The following ETV6 variants were observed in gnomAD, a reference collection of about 807,000 sequenced individuals.
ETV6 encodes ETS variant transcription factor 6.
Under a neutral mutation model 51.1 loss-of-function variants are expected in ETV6, and 16 were observed. That is an observed-to-expected ratio of 0.31 (90% CI 0.21 to 0.48). The LOEUF is 0.48. ETV6 is among the 20% of genes least tolerant of loss of function. The pLI is 0.99. For missense variants in ETV6, 458 were observed against 594.8 expected (o/e 0.77, Z 2.39); for synonymous variants, 240 against 224.1 (o/e 1.07, Z -0.64).
intron 1 of ETV6, among the ~76,000 whole-genome samples, chr12:11,725,498 T>C (rs1041282798): frequency 6.6e-6 from 1 of 152,238 alleles, no homozygotes; most frequent in East Asian, 1.9e-4. Context: ...CAGAATCCTA[T>C]TCTGAGGCTG....
At position 11,757,072 on chromosome 12, in the gene ETV6, A is replaced by G. The variant is rs555064810; in HGVS notation, c.163+4493A>G. ...ATCATATTTAATAGGGTTAGGGTTT[A>G]TGATGTTGCAGGTTAATAAATAGCC... On this transcript the variant is annotated intron_variant, in intron 2 of 7. Transcript: ENST00000396373. 6.5e-4 allele frequency among the ~76,000 whole-genome samples: 99 copies of G among 152,284 alleles called. 2 individuals are homozygous for G. In the South Asian group the frequency reaches 0.02, roughly 30 times the overall value.
At chr12:11,750,482 T>C (rs913913651) in intron 1 of ETV6, among the ~76,000 whole-genome samples, 5 of 152,312 alleles carry the variant, frequency 3.3e-5, no homozygotes, top group South Asian at 2.1e-4. Context: ...AGAAGAGTCA[T>C]TGAATTTCGA....
intron 1 of ETV6, among the ~76,000 whole-genome samples, chr12:11,710,951 C>CT (rs1195378075): frequency 6.6e-6 from 1 of 152,202 alleles, no homozygotes; most frequent in Non-Finnish European, 1.5e-5. Flanking sequence ...CCCATTGAGA[C>CT]TAAGTGGAGA....
intron 1 of ETV6, among the ~76,000 whole-genome samples, chr12:11,748,128 A>G (rs1865941308): frequency 6.6e-6 from 1 of 152,208 alleles, no homozygotes; most frequent in Non-Finnish European, 1.5e-5. Flanking sequence ...TCTGGGTTGC[A>G]GGTTTCTTCA....
intron 1 of ETV6, among the ~76,000 whole-genome samples, chr12:11,733,385 G>T (rs1865638280): frequency 8.1e-6 from 1 of 122,788 alleles, no homozygotes; most frequent in Non-Finnish European, 1.6e-5. Flanking sequence ...TGCAGCCTGG[G>T]AGACAGAGCG....
chr12:11,879,368 T>A (rs896528662), intron 5 of ETV6, among the ~76,000 whole-genome samples: 6 of 152,334 alleles, frequency 3.9e-5, no homozygotes, highest in African/African-American at 1.2e-4. Context: ...CTACTCAAAG[T>A]TTTTTAAGGC....
intron 2 of ETV6, among the ~76,000 whole-genome samples, chr12:11,818,741 C>T (rs1242812683): frequency 3.3e-5 from 5 of 152,136 alleles, no homozygotes; most frequent in Non-Finnish European, 5.9e-5. Flanking sequence ...CCACTTGGCA[C>T]TCATGCTGCT....
chr12:11,851,231 G>A (rs926235556), intron 3 of ETV6, among the ~76,000 whole-genome samples: 2 of 133,106 alleles, frequency 1.5e-5, no homozygotes, highest in African/African-American at 6.4e-5. Flanking sequence ...ACTAATTACT[G>A]GACCTTTTTT....
chr12:11,856,664 C>T (rs1018426996), intron 4 of ETV6, among the ~76,000 whole-genome samples: 1 of 152,128 alleles, frequency 6.6e-6, no homozygotes, highest in Non-Finnish European at 1.5e-5. Flanking sequence ...CTGCCTCCAG[C>T]TACTTCCTCT....
chr12:11,829,023 TC>T (rs1946202402), intron 2 of ETV6, among the ~76,000 whole-genome samples: 1 of 151,990 alleles, frequency 6.6e-6, no homozygotes, highest in Admixed American at 6.6e-5. Context: ...CTCCAACCTC[TC>T]CCTGATCCAG....
chr12:11,882,418 C>T (rs1391806891), intron 5 of ETV6, among the ~76,000 whole-genome samples: 8 of 152,166 alleles, frequency 5.3e-5, no homozygotes, highest in African/African-American at 1.9e-4. Context: ...GTTTTGGGGT[C>T]ATGCACAGCC....
intron 5 of ETV6, among the ~76,000 whole-genome samples, chr12:11,871,635 G>T (rs1946882920): frequency 6.6e-6 from 1 of 152,120 alleles, no homozygotes. Context: ...AAACAAAAAT[G>T]ACTTATATGT....
Position 11,869,813 on chromosome 12 carries a change from G to C in ETV6, c.853G>C (p.Val285Leu). ...HPLILNPRHSVDFKQSRLSED... is the reference protein window; with the variant it reads ...HPLILNPRHSLDFKQSRLSED... Reference sequence around the variant, plus strand: ...TCTGATCCTGAACCCCCGGCACTCCGTGGATTTCAAACAGTCCAGGCTCTC... The same window carrying C: ...TCTGATCCTGAACCCCCGGCACTCCCTGGATTTCAAACAGTCCAGGCTCTC... Residue 285 changes from valine to leucine, a missense_variant, in exon 5 of 8, where the codon GTG becomes CTG. This residue lies in a region of ETV6 where 293 missense variants were observed against 315.7 expected (regional missense o/e 0.93). Transcript: ENST00000396373. This position sits in a 1 kb window ranked among gnomAD's most constrained non-coding sequence, Gnocchi z 5.0. The C allele has an allele frequency of 1.9e-6, 3 of 1,613,258 alleles. No individual in the cohort carries two copies. Among genetic ancestry groups the C allele is most frequent in the South Asian group, 2.2e-5 (2 of 91,082 alleles).
At chr12:11,703,175 C>T (rs1471810026) in intron 1 of ETV6, among the ~76,000 whole-genome samples, 1 of 152,196 alleles carries the variant, frequency 6.6e-6, no homozygotes, top group East Asian at 1.9e-4. Flanking sequence ...GAAAATACTA[C>T]TTGCTACAGG....
In ETV6 at chr12:11,893,862, A is replaced by ACACAC. The variant is rs1947347484; in HGVS notation, c.*2816_*2817insCACAC. On this transcript the variant is annotated 3_prime_UTR_variant, in exon 8 of 8. Coordinates refer to ENST00000396373, the MANE Select transcript of ETV6 (RefSeq NM_001987.5). The stretch of plus-strand genomic sequence containing the variant: ...TATATACACACACACACACATACAC[A>ACACAC]AATATTCCAGGATACAAAAAAAAAC... 1 of 174,152 alleles carries ACACAC rather than the reference A, an allele frequency of 5.7e-6. No homozygotes were observed. The highest frequency in any genetic ancestry group is 2.6e-5 in the African/African-American group (1 of 38,998). The allele number at this position is 174,152 out of a possible 1,614,324, so 10.8% of individuals were successfully genotyped here.
At chr12:11,684,802 T>G (rs920087556) in intron 1 of ETV6, among the ~76,000 whole-genome samples, 1 of 152,238 alleles carries the variant, frequency 6.6e-6, no homozygotes, top group African/African-American at 2.4e-5. Flanking sequence ...CCTAGTATTT[T>G]TGGGGCTGAA....
intron 1 of ETV6, among the ~76,000 whole-genome samples, chr12:11,692,641 T>C (rs1054587757): frequency 6.6e-6 from 1 of 152,196 alleles, no homozygotes; most frequent in Non-Finnish European, 1.5e-5. Flanking sequence ...CTTTGCATTA[T>C]TTTATTTAGC....
chr12:11,719,246 C>A (rs567559225), intron 1 of ETV6, among the ~76,000 whole-genome samples: 1 of 152,218 alleles, frequency 6.6e-6, no homozygotes, highest in East Asian at 1.9e-4. Context: ...GAGGCACTGC[C>A]TGGAAATCTA....
At chr12:11,747,197 C>A (rs901983300) in intron 1 of ETV6, among the ~76,000 whole-genome samples, 2 of 152,134 alleles carry the variant, frequency 1.3e-5, no homozygotes, top group Non-Finnish European at 2.9e-5. Flanking sequence ...TCACAGGGTA[C>A]ACTCATTTTT....
Sources: gnomAD v4.1 joint callset for allele counts (sites outside exome capture counted in the v4.1 genomes callset) on GRCh38, gnomAD v4.1.1 for gene constraint, gnomAD v4.1.1 regional missense constraint, Gnocchi (gnomAD v3.1) non-coding constraint, MANE v1.5 for transcripts, NCBI Gene and HGNC (gene_info 2026-07-23, HGNC 2026-07-21) for gene names.